Variants in CD70 observed in about 807,000 individuals in gnomAD.
CD70 encodes the protein CD70 antigen.
CD70 carries 6 observed loss-of-function variants against 9.0 expected under a neutral mutation model. The observed-to-expected ratio is 0.67, with a 90% CI of 0.37 to 1.32. The LOEUF (loss-of-function observed/expected upper bound fraction) is 1.32, where lower values mean the gene tolerates loss of function less well. Ranked by LOEUF, CD70 falls within the 40% of genes most tolerant of loss-of-function variation. CD70 has a pLI of 0.02. For missense variants in CD70, 235 were observed against 258.7 expected (o/e 0.91, Z 0.63); for synonymous variants, 108 against 112.3 (o/e 0.96, Z 0.24).
chr19:6,588,935 T>C, intron 2 of CD70, among the ~76,000 whole-genome samples: 1 of 152,216 alleles, frequency 6.6e-6, no homozygotes, highest in East Asian at 1.9e-4. Flanking sequence ...GTATAATTAG[T>C]GCTTGTAGCA....
At position 6,586,426 on chromosome 19, in the gene CD70, G is replaced by T. The variant is rs371396443; in HGVS notation, c.197-21C>A. Reference sequence around the variant, plus strand: ...AGGTCCTGGGGGCACAGGGTTAGAGGGATGAGAGGATGGAGGTTTAGGGAA... The same window carrying T: ...AGGTCCTGGGGGCACAGGGTTAGAGTGATGAGAGGATGGAGGTTTAGGGAA... On this transcript the variant is annotated intron_variant, in intron 2 of 2. Coordinates refer to ENST00000245903, the MANE Select transcript of CD70 (RefSeq NM_001252.5). 2.5e-6 allele frequency: 4 copies of T among 1,579,812 alleles called. No homozygotes were observed. The African/African-American group carries it at 5.4e-5, about 21-fold the overall frequency.
In CD70 at chr19:6,590,652, C is replaced by G. The variant is rs1916136548; in HGVS notation, c.162+189G>C. Among the ~76,000 whole-genome samples, 1 of 152,210 alleles carries G rather than the reference C, an allele frequency of 6.6e-6. No homozygotes were observed. Among genetic ancestry groups the G allele is most frequent in the Admixed American group, 6.5e-5 (1 of 15,284 alleles). On this transcript the variant is annotated intron_variant, in intron 1 of 2. Coordinates refer to ENST00000245903, the MANE Select transcript of CD70 (RefSeq NM_001252.5). The surrounding 1 kb of genome is among the most constrained non-coding windows in gnomAD (Gnocchi z 5.3). ...TTCCCATCCCGGGATCTCCCTGTACCTCCTGGCAGGGCTGCCTGTCTCGTA... is the reference window on the plus strand; with the variant it reads ...TTCCCATCCCGGGATCTCCCTGTACGTCCTGGCAGGGCTGCCTGTCTCGTA...
chr19:6,587,244 T>G (rs1356295872), intron 2 of CD70, among the ~76,000 whole-genome samples: 10 of 113,518 alleles, frequency 8.8e-5, no homozygotes, highest in Admixed American at 1.8e-4. Flanking sequence ...ACGAGAGAGC[T>G]TGAGGGAGAG....
chr19:6,586,497 GAGTT>G, intron 2 of CD70, 92 bp from the exon 3 acceptor site: 1 of 1,339,312 alleles, frequency 7.5e-7, no homozygotes. Flanking sequence ...TAGAGATCGA[GAGTT>G]AGAGATCAAG....
rs751171093 is a variant in CD70 at position 6,590,119 on chromosome 19, C to T, written c.180G>A (p.Leu60=). The part of the protein sequence containing the change: ...LESLGWDVAE[L]QLNHTGPQQD... ...CCGTGTTACCTGTGTGATTCAGCTG[C>T]AGCTCAGCTACGTCCCACTGGAAGA... The change falls in exon 2 of 3, where the codon CTG becomes CTA. Residue 60 remains leucine, a synonymous_variant. Transcript: ENST00000245903. This position sits in a 1 kb window ranked among gnomAD's most constrained non-coding sequence, Gnocchi z 5.3. 1.2e-6 allele frequency: 2 copies of T among 1,613,788 alleles called. No individual in the cohort carries two copies. The highest frequency in any genetic ancestry group is 1.7e-6 in the Non-Finnish European group (2 of 1,179,732).
downstream of CD70, chr19:6,583,396 T>C (rs904893148): frequency 5.7e-6 from 4 of 702,086 alleles, no homozygotes; most frequent in Admixed American, 6.0e-5. Context: ...GCTGAGTTAA[T>C]GGGATAAAAC....
chr19:6,586,345 A>G lies in CD70; in HGVS notation c.257T>C (p.Leu86Pro). The G allele has an allele frequency of 6.2e-7, 1 of 1,613,300 alleles. No homozygotes were observed. Among genetic ancestry groups the G allele is most frequent in the Non-Finnish European group, 8.5e-7 (1 of 1,179,980 alleles). ...QGGPALGRSF[L>P]HGPELDKGQL... is the part of the protein sequence containing the mutation. Reference sequence around the variant, plus strand: ...CCCCTTGTCCAGCTCTGGTCCATGCAGGAAGGAGCGGCCCAGTGCTGGGCC... The same window carrying G: ...CCCCTTGTCCAGCTCTGGTCCATGCGGGAAGGAGCGGCCCAGTGCTGGGCC... Residue 86 changes from leucine to proline, a missense_variant, in exon 3 of 3, where the codon CTG (leucine) becomes CCG (proline). Transcript: ENST00000245903.
In CD70 at chr19:6,590,156, A is replaced by C; in HGVS notation, c.163-20T>G. On this transcript the variant is annotated intron_variant, in intron 1 of 2. Coordinates refer to ENST00000245903, the MANE Select transcript of CD70 (RefSeq NM_001252.5). The surrounding 1 kb of genome is among the most constrained non-coding windows in gnomAD (Gnocchi z 5.3). ...GTCCCACTGGAAGAAAAGACCAGAAAACAGGGCACGGACGTAAGCAGAGAG... is the reference window on the plus strand; with the variant it reads ...GTCCCACTGGAAGAAAAGACCAGAACACAGGGCACGGACGTAAGCAGAGAG... The C allele has an allele frequency of 6.2e-7, 1 of 1,612,274 alleles. No individual in the cohort carries two copies. Among genetic ancestry groups the C allele is most frequent in the Non-Finnish European group, 8.5e-7 (1 of 1,178,326 alleles).
In CD70 at chr19:6,586,119, CA is replaced by C; in HGVS notation, c.482del (p.Leu161ArgfsTer38). 1 of 1,614,070 alleles carries C rather than the reference CA, an allele frequency of 6.2e-7. No individual in the cohort carries two copies. The highest frequency in any genetic ancestry group is 8.5e-7 in the Non-Finnish European group (1 of 1,179,990). On this transcript the variant is annotated frameshift_variant, in exon 3 of 3. Transcript: ENST00000245903. LOFTEE classifies it high-confidence loss of function. Reference sequence around the variant, plus strand: ...TGGTGCAGAGTGTGTCCCCTCGGGCCAGGGGCGTCAGGCGCTGGGAGGCAAT... The same window carrying C: ...TGGTGCAGAGTGTGTCCCCTCGGGCCGGGGCGTCAGGCGCTGGGAGGCAAT... The part of the protein sequence containing the change: ...CTIASQRLTP[L>X]ARGDTLCTNL...
intron 2 of CD70, among the ~76,000 whole-genome samples, chr19:6,587,105 TGAGG>T: frequency 7.7e-6 from 1 of 129,804 alleles, no homozygotes; most frequent in East Asian, 2.4e-4. Context: ...CGAGAGAGCT[TGAGG>T]GAGAGTGCAC....
chr19:6,586,243 G>A lies in CD70; in HGVS notation c.359C>T (p.Ala120Val). The A allele has an allele frequency of 1.9e-6, 3 of 1,614,050 alleles. No homozygotes were observed. Among genetic ancestry groups the A allele is most frequent in the Non-Finnish European group, 2.5e-6 (3 of 1,180,012 alleles). Residue 120 changes from alanine (A) to valine (V), a missense_variant, in exon 3 of 3, where the codon GCC becomes GTC. Transcript: ENST00000245903. The stretch of plus-strand genomic sequence containing the variant: ...CAGGGTGGTGGGGTGGTGCCTGGAG[G>A]CCGTCGTGGAGGAGCAGATGGCCAG... ...VTLAICSSTT[A>V]SRHHPTTLAV...
At chr19:6,586,619 C>T (rs1004819978) in intron 2 of CD70, among the ~76,000 whole-genome samples, 28 of 151,948 alleles carry the variant, frequency 1.8e-4, no homozygotes, top group African/African-American at 5.1e-4. Context: ...GACAACAGGG[C>T]GAGACCCCAT....
downstream of CD70, among the ~76,000 whole-genome samples, chr19:6,585,442 C>G (rs543065631): frequency 6.6e-6 from 1 of 150,684 alleles, no homozygotes; most frequent in Non-Finnish European, 1.5e-5. Flanking sequence ...ACCTCCTGGG[C>G]TCTACCCAAT....
downstream of CD70, among the ~76,000 whole-genome samples, chr19:6,584,782 C>T (rs966864776): frequency 1.3e-5 from 2 of 151,516 alleles, no homozygotes; most frequent in African/African-American, 4.9e-5. Flanking sequence ...GGGAGGATCG[C>T]TTGAGCCCAG....
chr19:6,584,968 A>G (rs1003965310), downstream of CD70, among the ~76,000 whole-genome samples: 2 of 152,054 alleles, frequency 1.3e-5, no homozygotes, highest in African/African-American at 4.8e-5. Flanking sequence ...GTACATGTGC[A>G]GGATGTGTAG....
At chr19:6,583,946 C>T (rs909176222), downstream of CD70, among the ~76,000 whole-genome samples, 1 of 151,570 alleles carries the variant, frequency 6.6e-6, no homozygotes, top group Non-Finnish European at 1.5e-5. Context: ...GTGCCGGCCA[C>T]CATGCCTGGC....
downstream of CD70, among the ~76,000 whole-genome samples, chr19:6,582,282 C>T (rs185185493): frequency 4.0e-5 from 6 of 151,626 alleles, no homozygotes; most frequent in African/African-American, 9.7e-5. Context: ...GCAATCTGCT[C>T]GCCTCGGCCT....
At chr19:6,588,196 A>C (rs1367305301) in intron 2 of CD70, among the ~76,000 whole-genome samples, 1 of 152,220 alleles carries the variant, frequency 6.6e-6, no homozygotes, top group Admixed American at 6.5e-5. Flanking sequence ...ATTTCCTGTA[A>C]GAGTGACACC....
At chr19:6,587,203 C>A (rs1916042491) in intron 2 of CD70, among the ~76,000 whole-genome samples, 1 of 92,152 alleles carries the variant, frequency 1.1e-5, no homozygotes, top group Non-Finnish European at 2.2e-5. Flanking sequence ...GGAGAGAGAG[C>A]ATGAGACAGC....
Sources: allele counts gnomAD v4.1 joint callset (sites outside exome capture counted in the v4.1 genomes callset), GRCh38; gene constraint gnomAD v4.1.1; non-coding constraint Gnocchi (gnomAD v3.1); transcripts MANE v1.5; gene names NCBI Gene and HGNC (gene_info 2026-07-23, HGNC 2026-07-21).